The following ADAMTS19 variants were observed in gnomAD, a reference collection of about 807,000 sequenced individuals.
ADAMTS19 encodes ADAM metallopeptidase with thrombospondin type 1 motif 19.
A neutral mutation model predicts 153.3 loss-of-function variants in ADAMTS19; 93 were observed. That is an observed-to-expected ratio of 0.61 (90% CI 0.51 to 0.72). The LOEUF (loss-of-function observed/expected upper bound fraction) is 0.72. Among genes scored for constraint, ADAMTS19 ranks in the 30% least tolerant of loss-of-function variants. ADAMTS19 has a pLI of 0.00. For synonymous variants in ADAMTS19, 600 were observed against 556.6 expected (o/e 1.08, Z -1.10); for missense variants, 1,482 against 1,552.1 (o/e 0.95, Z 0.76).
intron 6 of ADAMTS19, among the ~76,000 whole-genome samples, chr5:129,549,990 A>G (rs1387331305): frequency 8.5e-6 from 1 of 118,242 alleles, no homozygotes; most frequent in Admixed American, 8.8e-5. Context: ...ATGTATCTGT[A>G]TATGTATCTA....
At position 129,631,392 on chromosome 5, in the gene ADAMTS19, G is replaced by A. The variant is rs142498263; in HGVS notation, c.1770+9044G>A. ...GGTTATTAATAGAGTTATACAAATCGTCTTTTATTATGTGTATGGATGTTC... is the reference window on the plus strand; with the variant it reads ...GGTTATTAATAGAGTTATACAAATCATCTTTTATTATGTGTATGGATGTTC... On this transcript the variant is annotated intron_variant, in intron 10 of 22. Coordinates refer to ENST00000274487, the MANE Select transcript of ADAMTS19 (RefSeq NM_133638.6). Among the ~76,000 whole-genome samples the A allele has an allele frequency of 3.6e-3, 551 of 151,786 alleles. 1 individual carries two copies. The highest frequency in any genetic ancestry group is 5.6e-3 in the Non-Finnish European group (378 of 67,838).
intron 2 of ADAMTS19, among the ~76,000 whole-genome samples, chr5:129,465,508 T>G (rs1580975147): frequency 6.6e-6 from 1 of 152,284 alleles, no homozygotes; most frequent in Admixed American, 6.5e-5. Context: ...TACAGTAGTC[T>G]TTTTGATTAG....
At chr5:129,585,721 A>G (rs1329177010) in intron 7 of ADAMTS19, among the ~76,000 whole-genome samples, 2 of 152,148 alleles carry the variant, frequency 1.3e-5, no homozygotes, top group Non-Finnish European at 2.9e-5. Flanking sequence ...TTCTTATGGT[A>G]CCTGTATTTT....
At position 129,461,169 on chromosome 5, in the gene ADAMTS19, G is replaced by T. The variant is rs574321008; in HGVS notation, c.159G>T (p.Pro53=). The T allele has an allele frequency of 1.4e-6, 2 of 1,385,096 alleles. No homozygotes were observed. Among genetic ancestry groups the T allele is most frequent in the East Asian group, 3.1e-5 (1 of 32,536 alleles). The allele number at this position is 1,385,096 out of a possible 1,614,324, so 85.8% of individuals were successfully genotyped here. Residue 53 remains proline, a synonymous_variant, in exon 2 of 23, where the codon CCG becomes CCT. Coordinates refer to ENST00000274487, the MANE Select transcript of ADAMTS19 (RefSeq NM_133638.6). This position sits in a 1 kb window ranked among gnomAD's most constrained non-coding sequence, Gnocchi z 4.6. ...VVFPALWRRE[P]VDPAGGSGGS... is the part of the protein sequence containing the mutation. ...TTCCTGCGCTCTGGCGCCGGGAGCC[G>T]GTGGACCCGGCTGGCGGCAGCGGGG...
intron 8 of ADAMTS19, among the ~76,000 whole-genome samples, chr5:129,597,926 A>C (rs923755621): frequency 2.6e-5 from 4 of 151,926 alleles, no homozygotes; most frequent in Non-Finnish European, 5.9e-5. Context: ...AAAAAAGAAA[A>C]AAAAGAAATG....
intron 2 of ADAMTS19, among the ~76,000 whole-genome samples, chr5:129,480,204 C>T (rs1179703577): frequency 2.0e-5 from 3 of 152,046 alleles, no homozygotes; most frequent in Non-Finnish European, 4.4e-5. Flanking sequence ...AATTCTAGTC[C>T]TTGACATATG....
chr5:129,500,200 A>G (rs1193238638), intron 2 of ADAMTS19, among the ~76,000 whole-genome samples: 2 of 152,150 alleles, frequency 1.3e-5, no homozygotes, highest in Admixed American at 1.3e-4. Context: ...ACATCCAGTG[A>G]AAAAGGGAGA....
intron 21 of ADAMTS19, among the ~76,000 whole-genome samples, chr5:129,722,100 C>T (rs1757029803): frequency 6.6e-6 from 1 of 152,110 alleles, no homozygotes; most frequent in South Asian, 2.1e-4. Flanking sequence ...GATATATATT[C>T]CTTTGAGTAT....
At chr5:129,626,221 A>T (rs957214548) in intron 10 of ADAMTS19, among the ~76,000 whole-genome samples, 1 of 152,080 alleles carries the variant, frequency 6.6e-6, no homozygotes, top group Non-Finnish European at 1.5e-5. Flanking sequence ...CTCCTATGGA[A>T]CTCAAACTTC....
chr5:129,520,144 C>G (rs2126746719), intron 3 of ADAMTS19, among the ~76,000 whole-genome samples: 1 of 152,250 alleles, frequency 6.6e-6, no homozygotes, highest in Middle Eastern at 3.4e-3. Flanking sequence ...ATTTCTATCC[C>G]TATGTACCAT....
Position 129,616,649 on chromosome 5 carries a change from G to A in ADAMTS19, c.1479-3969G>A, listed in dbSNP as rs559202136. ...TTTTTTCAGTTGACTTGACAACCAT[G>A]TACAATGTTAGTGAAGAGTTTATTT... On this transcript the variant is annotated intron_variant, in intron 8 of 22. Transcript: ENST00000274487. Among the ~76,000 whole-genome samples the A allele has an allele frequency of 1.1e-4, 16 of 152,140 alleles. 1 individual carries two copies. Among genetic ancestry groups the A allele is most frequent in the Middle Eastern group, 6.8e-3 (2 of 294 alleles).
chr5:129,550,050 C>CTAGATATACATATACATGTATA (rs1753032173), intron 6 of ADAMTS19, among the ~76,000 whole-genome samples: 1 of 37,470 alleles, frequency 2.7e-5, no homozygotes, highest in Non-Finnish European at 5.4e-5. Flanking sequence ...ATACATGTAT[C>CTAGATATACATATACATGTATA]TGTATATGTA....
At chr5:129,476,848 G>A (rs1326818558) in intron 2 of ADAMTS19, among the ~76,000 whole-genome samples, 1 of 152,056 alleles carries the variant, frequency 6.6e-6, no homozygotes, top group Non-Finnish European at 1.5e-5. Context: ...TTACATAGAG[G>A]TGTGTTATGA....
intron 14 of ADAMTS19, among the ~76,000 whole-genome samples, chr5:129,657,151 T>G (rs1008646384): frequency 1.3e-5 from 2 of 152,208 alleles, no homozygotes; most frequent in African/African-American, 4.8e-5. Context: ...ATCAGAGTTT[T>G]GTGCTAACAC....
chr5:129,565,583 G>A (rs1043212963), intron 7 of ADAMTS19, among the ~76,000 whole-genome samples: 1 of 152,136 alleles, frequency 6.6e-6, no homozygotes, highest in Non-Finnish European at 1.5e-5. Flanking sequence ...GCTAGAAATA[G>A]AGTGGTGCCT....
At chr5:129,565,948 T>C (rs1276333705) in intron 7 of ADAMTS19, among the ~76,000 whole-genome samples, 1 of 152,160 alleles carries the variant, frequency 6.6e-6, no homozygotes, top group Non-Finnish European at 1.5e-5. Flanking sequence ...TTTTTCCTTT[T>C]TGTTTAATCA....
intron 7 of ADAMTS19, among the ~76,000 whole-genome samples, chr5:129,558,391 G>A (rs1003119029): frequency 1.3e-5 from 2 of 151,988 alleles, no homozygotes; most frequent in African/African-American, 4.8e-5. Flanking sequence ...TAGGCAGTAA[G>A]AAATTAAAAC....
intron 2 of ADAMTS19, among the ~76,000 whole-genome samples, chr5:129,462,077 C>G (rs1259049317): frequency 6.6e-6 from 1 of 152,174 alleles, no homozygotes; most frequent in Non-Finnish European, 1.5e-5. Flanking sequence ...CAGAGTTTTC[C>G]AAACTAAGCG....
chr5:129,608,690 G>A (rs1400270820), intron 8 of ADAMTS19, among the ~76,000 whole-genome samples: 1 of 151,972 alleles, frequency 6.6e-6, no homozygotes, highest in South Asian at 2.1e-4. Flanking sequence ...GGGAGGCCAA[G>A]TCAGGCGGAT....
Sources: allele counts gnomAD v4.1 joint callset (sites outside exome capture counted in the v4.1 genomes callset), GRCh38; gene constraint gnomAD v4.1.1; non-coding constraint Gnocchi (gnomAD v3.1); transcripts MANE v1.5; gene names NCBI Gene and HGNC (gene_info 2026-07-23, HGNC 2026-07-21).